The following NETO1 variants were observed in gnomAD, a reference collection of about 807,000 sequenced individuals.
NETO1 encodes the protein neuropilin and tolloid-like protein 1.
NETO1 carries 26 observed loss-of-function variants against 61.3 expected under a neutral mutation model. The ratio of observed to expected loss-of-function variants is 0.42; its 90% CI spans 0.31 to 0.59. NETO1 has a LOEUF of 0.59. Among genes scored for constraint, NETO1 ranks in the 20% least tolerant of loss-of-function variants. NETO1 has a pLI of 0.12. For missense variants in NETO1, 531 were observed against 662.8 expected, an observed-to-expected ratio of 0.80 and a Z score of 2.18; for synonymous variants, 225 against 225.8, an observed-to-expected ratio of 1.00 and a Z score of 0.03.
chr18:72,842,228 T>A (rs982949093), intron 4 of NETO1, among the ~76,000 whole-genome samples: 5 of 152,156 alleles, frequency 3.3e-5, no homozygotes, highest in Non-Finnish European at 7.3e-5. Flanking sequence ...CTGTTATTCA[T>A]TTTTTTCCAC....
chr18:72,789,605 T>A (rs1024545752), intron 6 of NETO1, among the ~76,000 whole-genome samples: 59 of 152,290 alleles, frequency 3.9e-4, no homozygotes, highest in African/African-American at 1.3e-3. Context: ...ATAACACCCA[T>A]GTACTATCTA....
At chr18:72,821,625 C>A (rs995575581) in intron 4 of NETO1, among the ~76,000 whole-genome samples, 5 of 151,536 alleles carry the variant, frequency 3.3e-5, no homozygotes, top group African/African-American at 1.2e-4. Flanking sequence ...GTACACCATG[C>A]CCTCTGTCAG....
At chr18:72,815,171 T>A (rs1220172466) in intron 4 of NETO1, among the ~76,000 whole-genome samples, 1 of 152,140 alleles carries the variant, frequency 6.6e-6, no homozygotes, top group Non-Finnish European at 1.5e-5. Flanking sequence ...ACTCAATCTC[T>A]GCTTCACACC....
chr18:72,809,865 G>T (rs1345582583), intron 4 of NETO1, among the ~76,000 whole-genome samples: 3 of 152,184 alleles, frequency 2.0e-5, no homozygotes, highest in African/African-American at 7.2e-5. Context: ...AGTGATGATA[G>T]ATACTTGCTA....
At chr18:72,850,352 G>A (rs1277425253) in intron 4 of NETO1, among the ~76,000 whole-genome samples, 1 of 152,146 alleles carries the variant, frequency 6.6e-6, no homozygotes, top group Non-Finnish European at 1.5e-5. Flanking sequence ...ATATTAACAT[G>A]AGTTATACTC....
chr18:72,805,660 C>A (rs536512732), intron 4 of NETO1, among the ~76,000 whole-genome samples: 3 of 152,094 alleles, frequency 2.0e-5, no homozygotes, highest in Admixed American at 2.0e-4. Context: ...ATTAGGCAGT[C>A]GACCTCCAGA....
At position 72,835,096 on chromosome 18, in the gene NETO1, G is replaced by C. The variant is rs551195438; in HGVS notation, c.469+23730C>G. The stretch of plus-strand genomic sequence containing the variant: ...CCTTCATCTGGGTTTCAAGGTAGGA[G>C]TTCTAATTTACTAAGTCCGAATATG... On this transcript the variant is annotated intron_variant, in intron 4 of 10. Coordinates refer to ENST00000327305, the MANE Select transcript of NETO1 (RefSeq NM_138966.5). 2.6e-5 allele frequency: 30 copies of C among 1,135,106 alleles called. No individual in the cohort carries two copies. The African/African-American group carries it at 4.5e-4, about 17-fold the overall frequency. 70.3% of individuals were successfully genotyped at this position (1,135,106 alleles called of 1,614,324 possible).
At chr18:72,838,539 C>A (rs1435948195) in intron 4 of NETO1, among the ~76,000 whole-genome samples, 1 of 152,184 alleles carries the variant, frequency 6.6e-6, no homozygotes, top group Non-Finnish European at 1.5e-5. Flanking sequence ...TTCCTGCACA[C>A]TTCTACTGTC....
rs2070377942 is a variant in NETO1 at position 72,743,904 on chromosome 18, C to T, written c.*4275G>A. 6.6e-6 allele frequency: 1 copy of T among 152,116 alleles called. No individual in the cohort carries two copies. The highest frequency in any genetic ancestry group is 1.5e-5 in the Non-Finnish European group (1 of 68,048). 9.4% of individuals were successfully genotyped at this position (152,116 alleles called of 1,614,324 possible). A position where few individuals can be genotyped will look rare whatever the true frequency, so the allele number is the denominator to read the frequency against. On this transcript the variant is annotated 3_prime_UTR_variant, in exon 11 of 11. Coordinates refer to ENST00000327305, the MANE Select transcript of NETO1 (RefSeq NM_138966.5). ...CAAACCACTATAAAATAGCATGCCT[C>T]AGAGGTTGGAAAGATGGCAGAAGTT...
At chr18:72,765,802 A>G (rs2071134273) in intron 7 of NETO1, among the ~76,000 whole-genome samples, 1 of 152,226 alleles carries the variant, frequency 6.6e-6, no homozygotes, top group Non-Finnish European at 1.5e-5. Flanking sequence ...TTTTTAAATA[A>G]CAGCAAAACT....
intron 4 of NETO1, among the ~76,000 whole-genome samples, chr18:72,840,377 T>C (rs1354934464): frequency 2.0e-5 from 3 of 152,210 alleles, no homozygotes; most frequent in African/African-American, 7.2e-5. Flanking sequence ...TTAGGTGACC[T>C]AGCCCAGAAG....
At chr18:72,841,094 G>A (rs1489897516) in intron 4 of NETO1, among the ~76,000 whole-genome samples, 2 of 152,080 alleles carry the variant, frequency 1.3e-5, no homozygotes, top group Non-Finnish European at 2.9e-5. Context: ...TTGGTCTTCA[G>A]GGGAATGGAG....
At chr18:72,757,545 CT>C (rs1186456228) in intron 7 of NETO1, among the ~76,000 whole-genome samples, 1 of 151,836 alleles carries the variant, frequency 6.6e-6, no homozygotes, top group Non-Finnish European at 1.5e-5. Context: ...CTTTATGTTC[CT>C]GGTTAAAGAG....
At chr18:72,813,006 A>G (rs915392320) in intron 4 of NETO1, among the ~76,000 whole-genome samples, 1 of 152,184 alleles carries the variant, frequency 6.6e-6, no homozygotes, top group African/African-American at 2.4e-5. Context: ...TCAGATGTCT[A>G]ACCAAGGCTG....
chr18:72,836,757 G>C (rs1372070994), intron 4 of NETO1, among the ~76,000 whole-genome samples: 1 of 152,118 alleles, frequency 6.6e-6, no homozygotes, highest in Non-Finnish European at 1.5e-5. Flanking sequence ...GTAAGAAACG[G>C]TATACTAAGC....
intron 1 of NETO1, chr18:72,865,445 A>G: frequency 8.1e-7 from 1 of 1,227,004 alleles, no homozygotes; most frequent in Non-Finnish European, 1.1e-6. Flanking sequence ...GAACTAATGC[A>G]AGTTAAGAAT....
At chr18:72,784,033 T>C (rs1406273695) in intron 6 of NETO1, 127 bp from the exon 7 acceptor site, 5 of 664,848 alleles carry the variant, frequency 7.5e-6, no homozygotes, top group Admixed American at 5.5e-5. Context: ...TATTTTCCCT[T>C]GTGAATAGAA....
chr18:72,800,824 TAC>T (rs1380867069), intron 4 of NETO1, among the ~76,000 whole-genome samples: 2 of 152,182 alleles, frequency 1.3e-5, no homozygotes, highest in African/African-American at 4.8e-5. Context: ...CTGTAAATAA[TAC>T]AGTTACTTTA....
In NETO1 at chr18:72,808,066, C is replaced by T. The variant is rs1233773396; in HGVS notation, c.470-13662G>A. 2.6e-5 allele frequency among the ~76,000 whole-genome samples: 4 copies of T among 152,302 alleles called. No individual in the cohort carries two copies. In the East Asian group the frequency reaches 5.8e-4, roughly 22 times the overall value. ...GTGCCAGTGCTATTAGTGAATAAAACGCCTCCATTATTATCCTCTTTTCTC... is the reference window on the plus strand; with the variant it reads ...GTGCCAGTGCTATTAGTGAATAAAATGCCTCCATTATTATCCTCTTTTCTC... On this transcript the variant is annotated intron_variant, in intron 4 of 10. Coordinates refer to ENST00000327305, the MANE Select transcript of NETO1 (RefSeq NM_138966.5).
Sources: allele counts gnomAD v4.1 joint callset (sites outside exome capture counted in the v4.1 genomes callset), GRCh38; gene constraint gnomAD v4.1.1; transcripts MANE v1.5; gene names NCBI Gene and HGNC (gene_info 2026-07-23, HGNC 2026-07-21).